Variants in IQCJ observed in about 807,000 individuals in gnomAD.
IQCJ encodes the protein IQ domain-containing protein J.
In IQCJ, 9 loss-of-function variants were observed where a neutral mutation model predicts 11.0. The observed-to-expected ratio is 0.82, with a 90% CI of 0.49 to 1.43. The LOEUF (loss-of-function observed/expected upper bound fraction) is 1.43. IQCJ is among the 40% of genes most tolerant of loss of function. The pLI is 0.00. For missense variants in IQCJ, 146 were observed against 133.2 expected, an observed-to-expected ratio of 1.10 and a Z score of -0.47; for synonymous variants, 55 against 51.3, an observed-to-expected ratio of 1.07 and a Z score of -0.31.
intron 1 of IQCJ, among the ~76,000 whole-genome samples, chr3:159,195,123 A>T (rs73877542): frequency 0.099 from 14,967 of 151,334 alleles, 2,492 homozygotes; most frequent in African/African-American, 0.35. Flanking sequence ...AAAAAAAAAA[A>T]TCTGTATCAC....
chr3:159,231,102 T>C (rs1353521085), intron 1 of IQCJ, among the ~76,000 whole-genome samples: 4 of 152,158 alleles, frequency 2.6e-5, no homozygotes, highest in African/African-American at 9.7e-5. Flanking sequence ...AAGCAGGGTT[T>C]GTAAGTTAGA....
At chr3:159,188,806 C>G (rs1185132605) in intron 1 of IQCJ, among the ~76,000 whole-genome samples, 3 of 152,074 alleles carry the variant, frequency 2.0e-5, no homozygotes, top group African/African-American at 7.2e-5. Flanking sequence ...ATCAATGTGC[C>G]CAGCTCATAG....
chr3:159,091,960 T>G lies in IQCJ; in HGVS notation c.9+22519T>G, dbSNP rs1161611177. ...AACTATTTTGAAATTTCTAATAAAT[T>G]AAGCAAAGAGTGTCAATGGATGCTA... On this transcript the variant is annotated intron_variant, in intron 1 of 3. Coordinates refer to ENST00000397832, the MANE Select transcript of IQCJ (RefSeq NM_001042706.3). 2.6e-5 allele frequency among the ~76,000 whole-genome samples: 4 copies of G among 151,952 alleles called. No individual in the cohort carries two copies. In the South Asian group the frequency reaches 8.3e-4, roughly 31 times the overall value.
At chr3:159,081,179 C>T (rs530725832) in intron 1 of IQCJ, among the ~76,000 whole-genome samples, 225 of 152,176 alleles carry the variant, frequency 1.5e-3, no homozygotes, top group African/African-American at 5.4e-3. Flanking sequence ...GTGATGACTT[C>T]AGAAGCTCTG....
rs762097154 is a variant in IQCJ at position 159,138,084 on chromosome 3, G to C, written c.9+68643G>C. Among the ~76,000 whole-genome samples, 12 of 152,264 alleles carry C rather than the reference G, an allele frequency of 7.9e-5. No individual in the cohort carries two copies. The East Asian group carries it at 1.7e-3, about 22-fold the overall frequency. On this transcript the variant is annotated intron_variant, in intron 1 of 3. Coordinates refer to ENST00000397832, the MANE Select transcript of IQCJ (RefSeq NM_001042706.3). ...ATGTAACTAGGTTTACTTGGCTTCAGTTTACACATAAAGGAACAGAGGCTC... is the reference window on the plus strand; with the variant it reads ...ATGTAACTAGGTTTACTTGGCTTCACTTTACACATAAAGGAACAGAGGCTC...
chr3:159,173,844 T>A (rs891348455), intron 1 of IQCJ, among the ~76,000 whole-genome samples: 1 of 152,186 alleles, frequency 6.6e-6, no homozygotes, highest in African/African-American at 2.4e-5. Context: ...TTGTTGCATG[T>A]CTTTTTCCAT....
intron 1 of IQCJ, among the ~76,000 whole-genome samples, chr3:159,163,355 C>G (rs1028400881): frequency 7.2e-5 from 11 of 152,046 alleles, no homozygotes; most frequent in African/African-American, 2.7e-4. Flanking sequence ...CAGAAAAGGC[C>G]TTTGACAAAA....
chr3:159,188,247 T>C (rs59229685), intron 1 of IQCJ, among the ~76,000 whole-genome samples: 15,147 of 152,034 alleles, frequency 0.1, 2,541 homozygotes, highest in African/African-American at 0.35. Context: ...CTTGTCTCTA[T>C]TAAAAATACA....
At chr3:159,118,835 C>T (rs1054161475) in intron 1 of IQCJ, among the ~76,000 whole-genome samples, 5 of 152,170 alleles carry the variant, frequency 3.3e-5, no homozygotes, top group African/African-American at 7.2e-5. Flanking sequence ...TATGCCTAAT[C>T]TACAATACTG....
intron 3 of IQCJ, among the ~76,000 whole-genome samples, chr3:159,257,033 C>A (rs773501302): frequency 6.6e-6 from 1 of 152,278 alleles, no homozygotes; most frequent in Non-Finnish European, 1.5e-5. Context: ...GAGAGGTAAA[C>A]TAGGCAAGAA....
At chr3:159,212,693 T>C (rs1456020397) in intron 1 of IQCJ, among the ~76,000 whole-genome samples, 1 of 152,222 alleles carries the variant, frequency 6.6e-6, no homozygotes, top group Non-Finnish European at 1.5e-5. Flanking sequence ...TTCATAATAG[T>C]ATGTGCTCGA....
At chr3:159,118,373 C>T (rs566826120) in intron 1 of IQCJ, among the ~76,000 whole-genome samples, 7 of 152,146 alleles carry the variant, frequency 4.6e-5, no homozygotes, top group Admixed American at 2.6e-4. Flanking sequence ...TTTCTGACCT[C>T]TGTCTCCAGA....
chr3:159,251,921 A>G (rs986466140), intron 2 of IQCJ, among the ~76,000 whole-genome samples: 1 of 152,176 alleles, frequency 6.6e-6, no homozygotes, highest in African/African-American at 2.4e-5. Flanking sequence ...TAAAATGCCT[A>G]TGACAGTGTG....
chr3:159,216,666 T>A lies in IQCJ; in HGVS notation c.10-29177T>A, dbSNP rs561230321. 2.6e-5 allele frequency among the ~76,000 whole-genome samples: 4 copies of A among 152,236 alleles called. No individual in the cohort carries two copies. In the South Asian group the frequency reaches 8.3e-4, roughly 32 times the overall value. On this transcript the variant is annotated intron_variant, in intron 1 of 3. Coordinates refer to ENST00000397832, the MANE Select transcript of IQCJ (RefSeq NM_001042706.3). ...GGATATTTTTCTGTAACCTGTGACTTGTTTCTTGACTGACTGACATACATG... is the reference window on the plus strand; with the variant it reads ...GGATATTTTTCTGTAACCTGTGACTAGTTTCTTGACTGACTGACATACATG...
intron 1 of IQCJ, among the ~76,000 whole-genome samples, chr3:159,111,481 G>A (rs1441288471): frequency 6.6e-6 from 1 of 152,142 alleles, no homozygotes; most frequent in African/African-American, 2.4e-5. Flanking sequence ...GTGTGTTCTG[G>A]GAGAATCTTG....
chr3:159,159,475 T>C (rs371637391), intron 1 of IQCJ, among the ~76,000 whole-genome samples: 1 of 152,146 alleles, frequency 6.6e-6, no homozygotes, highest in South Asian at 2.1e-4. Flanking sequence ...TTAAAAATCG[T>C]CAATACAGCT....
chr3:159,258,882 C>T (rs1728048261), intron 3 of IQCJ, among the ~76,000 whole-genome samples: 1 of 152,180 alleles, frequency 6.6e-6, no homozygotes, highest in African/African-American at 2.4e-5. Context: ...CTCTTGCCAT[C>T]TTTGTAGCCT....
downstream of IQCJ, chr3:159,265,308 C>G: frequency 6.2e-7 from 1 of 1,613,778 alleles, no homozygotes; most frequent in Non-Finnish European, 8.5e-7. Context: ...GAAGGTGATT[C>G]TTCTCTACCT....
At chr3:159,245,159 G>A (rs1350381269) in intron 1 of IQCJ, among the ~76,000 whole-genome samples, 1 of 152,096 alleles carries the variant, frequency 6.6e-6, no homozygotes. Flanking sequence ...TGGAGAAGAG[G>A]TTGCCACGAG....
Sources: gnomAD v4.1 joint callset for allele counts (sites outside exome capture counted in the v4.1 genomes callset) on GRCh38, gnomAD v4.1.1 for gene constraint, MANE v1.5 for transcripts, NCBI Gene and HGNC (gene_info 2026-07-23, HGNC 2026-07-21) for gene names.